RIT2: variants seen among roughly 807,000 people sequenced by gnomAD.
RIT2 encodes the protein Ras like without CAAX 2.
In RIT2, 24 loss-of-function variants were observed where a neutral mutation model predicts 23.7. The ratio of observed to expected loss-of-function variants is 1.01; its 90% confidence interval spans 0.73 to 1.43. The LOEUF (loss-of-function observed/expected upper bound fraction) is 1.43. Ranked by LOEUF, RIT2 falls within the 40% of genes most tolerant of loss-of-function variation. The pLI is 0.00. For missense variants in RIT2, 236 were observed against 266.9 expected (o/e 0.88, Z 0.81); for synonymous variants, 107 against 91.1 (o/e 1.17, Z -0.99).
At chr18:42,907,509 A>T (rs1908653998) in intron 4 of RIT2, among the ~76,000 whole-genome samples, 1 of 152,228 alleles carries the variant, frequency 6.6e-6, no homozygotes, top group Admixed American at 6.5e-5. Flanking sequence ...AAAGCAGAGC[A>T]ACTTCCTGCC....
At chr18:42,872,591 T>C (rs1271402950) in intron 4 of RIT2, among the ~76,000 whole-genome samples, 1 of 152,204 alleles carries the variant, frequency 6.6e-6, no homozygotes, top group Non-Finnish European at 1.5e-5. Context: ...TCAAAATAAA[T>C]ACACAACAGT....
At chr18:43,001,089 T>C (rs1239108809) in intron 2 of RIT2, among the ~76,000 whole-genome samples, 3 of 152,204 alleles carry the variant, frequency 2.0e-5, no homozygotes, top group East Asian at 1.9e-4. Context: ...ATTTCTTTCA[T>C]TCATTCAATG....
At chr18:43,099,259 C>T (rs1218209271) in intron 1 of RIT2, among the ~76,000 whole-genome samples, 4 of 151,992 alleles carry the variant, frequency 2.6e-5, no homozygotes, top group African/African-American at 7.2e-5. Flanking sequence ...ATCTATACTG[C>T]ATATTAAATG....
intron 4 of RIT2, among the ~76,000 whole-genome samples, chr18:42,833,923 G>C (rs1202401701): frequency 6.6e-6 from 1 of 152,110 alleles, no homozygotes; most frequent in East Asian, 1.9e-4. Context: ...TGTGAAGAGG[G>C]GAAGGGAGAA....
intron 4 of RIT2, among the ~76,000 whole-genome samples, chr18:42,843,776 GAT>G (rs1320048821): frequency 2.0e-5 from 3 of 152,196 alleles, no homozygotes; most frequent in Non-Finnish European, 2.9e-5. Context: ...TGACTGGAGA[GAT>G]AGTGATGAAA....
chr18:43,001,328 G>A (rs985420582), intron 2 of RIT2, among the ~76,000 whole-genome samples: 10 of 151,802 alleles, frequency 6.6e-5, no homozygotes, highest in Non-Finnish European at 1.5e-5. Flanking sequence ...GTGGCTCTAG[G>A]GGACATAAAA....
chr18:43,045,915 A>G (rs543079148), intron 1 of RIT2, among the ~76,000 whole-genome samples: 1 of 152,298 alleles, frequency 6.6e-6, no homozygotes, highest in Admixed American at 6.5e-5. Flanking sequence ...TATCTAGACC[A>G]TATCTATTTA....
chr18:43,058,930 C>G (rs940112085), intron 1 of RIT2, among the ~76,000 whole-genome samples: 5 of 151,978 alleles, frequency 3.3e-5, no homozygotes, highest in Non-Finnish European at 7.4e-5. Context: ...ACATTGAACC[C>G]TTGAGCCTAT....
intron 2 of RIT2, among the ~76,000 whole-genome samples, chr18:43,016,336 ATAGT>A (rs1167458044): frequency 6.6e-6 from 1 of 151,848 alleles, no homozygotes; most frequent in Non-Finnish European, 1.5e-5. Context: ...TGCTTTTTAC[ATAGT>A]TAATTTTAGC....
At chr18:42,923,108 T>G (rs1430856632) in intron 4 of RIT2, among the ~76,000 whole-genome samples, 1 of 152,170 alleles carries the variant, frequency 6.6e-6, no homozygotes, top group East Asian at 1.9e-4. Context: ...TGGTGGCTGG[T>G]GCTGAAACAT....
At chr18:42,744,477 C>A (rs1245655653) in intron 4 of RIT2, among the ~76,000 whole-genome samples, 1 of 152,078 alleles carries the variant, frequency 6.6e-6, no homozygotes, top group African/African-American at 2.4e-5. Context: ...AGCAATATAG[C>A]AAAGTGGTCA....
intron 2 of RIT2, among the ~76,000 whole-genome samples, chr18:43,013,189 CTT>C: frequency 6.6e-6 from 1 of 151,902 alleles, no homozygotes; most frequent in South Asian, 2.1e-4. Flanking sequence ...AACATGATGA[CTT>C]TGAAAAGATT....
intron 4 of RIT2, among the ~76,000 whole-genome samples, chr18:42,913,867 A>T (rs1187665146): frequency 6.6e-6 from 1 of 152,058 alleles, no homozygotes; most frequent in Non-Finnish European, 1.5e-5. Flanking sequence ...CACCACAAAA[A>T]ATAAGTATGT....
At chr18:43,000,740 A>T (rs1911085729) in intron 2 of RIT2, among the ~76,000 whole-genome samples, 1 of 151,946 alleles carries the variant, frequency 6.6e-6, no homozygotes, top group African/African-American at 2.4e-5. Flanking sequence ...GCAGCCATGT[A>T]AGATGTGCCT....
intron 3 of RIT2, among the ~76,000 whole-genome samples, chr18:42,955,143 T>C (rs1598728970): frequency 6.6e-6 from 1 of 152,214 alleles, no homozygotes; most frequent in East Asian, 1.9e-4. Context: ...TAGTTGACCA[T>C]GATAATTCAA....
rs776068581 is a variant in RIT2, at chr18:42,743,565, T to G, written c.582A>C (p.Lys194Asn). Residue 194 changes from lysine (K) to asparagine (N), a missense_variant, in exon 5 of 5, where the codon AAA becomes AAC. Transcript: ENST00000326695. ...KESMPSLMEK[K>N]LKRKDSLWKK... ...TCCACAGGCTGTCTTTTCTCTTCAGTTTCTTTTCCATCAAGGATGGCATGG... is the reference window on the plus strand; with the variant it reads ...TCCACAGGCTGTCTTTTCTCTTCAGGTTCTTTTCCATCAAGGATGGCATGG... 1.2e-6 allele frequency: 2 copies of G among 1,614,110 alleles called. No individual in the cohort carries two copies. The highest frequency in any genetic ancestry group is 1.1e-5 in the South Asian group (1 of 91,078).
chr18:42,795,114 G>T (rs938978216), intron 4 of RIT2, among the ~76,000 whole-genome samples: 1 of 152,216 alleles, frequency 6.6e-6, no homozygotes, highest in African/African-American at 2.4e-5. Flanking sequence ...GCTCGCTCTC[G>T]GCACCTCCTC....
chr18:42,761,203 T>C (rs1913293948), intron 4 of RIT2, among the ~76,000 whole-genome samples: 1 of 152,194 alleles, frequency 6.6e-6, no homozygotes, highest in African/African-American at 2.4e-5. Context: ...TATCCTGTTT[T>C]ATCCCTTTAG....
intron 1 of RIT2, among the ~76,000 whole-genome samples, chr18:43,058,078 G>C (rs1912551522): frequency 6.6e-6 from 1 of 152,128 alleles, no homozygotes; most frequent in East Asian, 1.9e-4. Context: ...ATTACACTAA[G>C]ATAGAATGAA....
Sources: allele counts gnomAD v4.1 joint callset (sites outside exome capture counted in the v4.1 genomes callset), GRCh38; gene constraint gnomAD v4.1.1; transcripts MANE v1.5; gene names NCBI Gene and HGNC (gene_info 2026-07-23, HGNC 2026-07-21).